The following ROR1 variants were observed in gnomAD, a reference collection of about 807,000 sequenced individuals.
ROR1 encodes ROR family WNT receptor 1, also known as inactive tyrosine-protein kinase transmembrane receptor ROR1.
ROR1 carries 19 observed loss-of-function variants against 78.8 expected under a neutral mutation model. The observed-to-expected ratio is 0.24, with a 90% CI of 0.17 to 0.35. The LOEUF (loss-of-function observed/expected upper bound fraction) is 0.35, where lower values mean the gene tolerates loss of function less well. Among genes scored for constraint, ROR1 ranks in the 10% least tolerant of loss-of-function variants. The pLI, the probability that ROR1 is intolerant of heterozygous loss-of-function variation, is 1.00. For missense variants in ROR1, 917 were observed against 1,177.8 expected (o/e 0.78, Z 3.24); for synonymous variants, 386 against 433.6 (o/e 0.89, Z 1.36).
intron 1 of ROR1, among the ~76,000 whole-genome samples, chr1:63,900,986 C>A (rs971089378): frequency 9.9e-5 from 15 of 152,072 alleles, no homozygotes; most frequent in East Asian, 3.9e-4. Context: ...AGCATTATTA[C>A]CGTCATGTTA....
chr1:63,910,815 G>A (rs567115150), intron 1 of ROR1, among the ~76,000 whole-genome samples: 7 of 152,284 alleles, frequency 4.6e-5, no homozygotes, highest in Admixed American at 4.6e-4. Flanking sequence ...CAACCCAAAG[G>A]TTCAGAACAA....
At chr1:63,831,345 G>T (rs1435194303) in intron 1 of ROR1, among the ~76,000 whole-genome samples, 2 of 152,166 alleles carry the variant, frequency 1.3e-5, no homozygotes, top group African/African-American at 2.4e-5. Flanking sequence ...TGCAGCAGAC[G>T]TCTTCCTGGA....
rs968329093 is a variant in ROR1, at chr1:64,180,421, T to C, written c.*1566T>C. ...TGTAAGAGAATGAAAAACACATTGA[T>C]GTTTTCATTTTTAAAAAATACAACT... On this transcript the variant is annotated 3_prime_UTR_variant, in exon 9 of 9. Transcript: ENST00000371079. 2 of 152,218 alleles carry C rather than the reference T, an allele frequency of 1.3e-5. No homozygotes were observed. The allele number at this position is 152,218 out of a possible 1,614,324, so 9.4% of individuals were successfully genotyped here.
At chr1:63,826,336 A>G (rs1364817612) in intron 1 of ROR1, among the ~76,000 whole-genome samples, 1 of 152,094 alleles carries the variant, frequency 6.6e-6, no homozygotes, top group Non-Finnish European at 1.5e-5. Context: ...AAGTGAGGAC[A>G]TGTTATATTT....
chr1:64,023,186 G>A (rs1278089508), intron 2 of ROR1, among the ~76,000 whole-genome samples: 1 of 152,124 alleles, frequency 6.6e-6, no homozygotes, highest in African/African-American at 2.4e-5. Context: ...CCCTTGCAGT[G>A]GTGCTGAGTA....
chr1:63,900,793 T>C (rs1405397478), intron 1 of ROR1, among the ~76,000 whole-genome samples: 2 of 152,182 alleles, frequency 1.3e-5, no homozygotes, highest in African/African-American at 4.8e-5. Context: ...TGTATCTGTT[T>C]TGAAATGTAA....
intron 4 of ROR1, among the ~76,000 whole-genome samples, chr1:64,051,716 A>G (rs960692686): frequency 2.6e-5 from 4 of 152,078 alleles, no homozygotes; most frequent in Non-Finnish European, 5.9e-5. Context: ...TTCTTTATCT[A>G]TATTTTTATT....
At chr1:63,787,237 T>C (rs780049006) in intron 1 of ROR1, among the ~76,000 whole-genome samples, 16 of 152,146 alleles carry the variant, frequency 1.1e-4, no homozygotes, top group Non-Finnish European at 2.2e-4. Context: ...TGTCAGTCCT[T>C]CTTTTGTCGT....
intron 6 of ROR1, among the ~76,000 whole-genome samples, chr1:64,140,900 C>T (rs1187477372): frequency 6.6e-6 from 1 of 152,138 alleles, no homozygotes; most frequent in South Asian, 2.1e-4. Flanking sequence ...GTGCTACAAA[C>T]CTGGATGAAC....
intron 1 of ROR1, among the ~76,000 whole-genome samples, chr1:63,984,275 A>G (rs957637710): frequency 6.6e-6 from 1 of 152,184 alleles, no homozygotes; most frequent in Non-Finnish European, 1.5e-5. Context: ...AAGAAAGCTT[A>G]TAAGGGAGAC....
chr1:63,857,977 A>G (rs1645159000), intron 1 of ROR1, among the ~76,000 whole-genome samples: 1 of 152,220 alleles, frequency 6.6e-6, no homozygotes, highest in Admixed American at 6.5e-5. Context: ...GCTATGAGGA[A>G]TAAATGAAGT....
chr1:64,052,694 A>G (rs777582609), intron 4 of ROR1, among the ~76,000 whole-genome samples: 12 of 152,194 alleles, frequency 7.9e-5, no homozygotes, highest in Non-Finnish European at 1.6e-4. Flanking sequence ...CAGATTATCT[A>G]TTACATTAGT....
intron 1 of ROR1, among the ~76,000 whole-genome samples, chr1:63,842,472 A>T (rs965485970): frequency 6.6e-6 from 1 of 152,160 alleles, no homozygotes; most frequent in Admixed American, 6.5e-5. Context: ...AGGGAACCCA[A>T]ATCTTTTATA....
intron 4 of ROR1, among the ~76,000 whole-genome samples, chr1:64,091,943 C>T (rs1647201290): frequency 1.3e-5 from 2 of 152,130 alleles, no homozygotes; most frequent in South Asian, 4.1e-4. Flanking sequence ...GTGTTTCTTT[C>T]AAGACTTGTT....
At chr1:64,122,782 GA>G (rs1648587731) in intron 4 of ROR1, among the ~76,000 whole-genome samples, 1 of 152,152 alleles carries the variant, frequency 6.6e-6, no homozygotes, top group Non-Finnish European at 1.5e-5. Flanking sequence ...CTCCTTCAAT[GA>G]TTCCTCTTGC....
intron 2 of ROR1, among the ~76,000 whole-genome samples, chr1:64,047,782 G>A (rs574669016): frequency 6.6e-6 from 1 of 152,298 alleles, no homozygotes; most frequent in East Asian, 1.9e-4. Flanking sequence ...TATATAGATT[G>A]GAGAAACATG....
intron 1 of ROR1, among the ~76,000 whole-genome samples, chr1:63,816,648 G>C (rs948273854): frequency 6.6e-6 from 1 of 152,084 alleles, no homozygotes; most frequent in South Asian, 2.1e-4. Flanking sequence ...CTTTAGCCTC[G>C]GTTTCTTTGT....
At chr1:63,792,112 G>T (rs564829871) in intron 1 of ROR1, among the ~76,000 whole-genome samples, 1 of 152,124 alleles carries the variant, frequency 6.6e-6, no homozygotes, top group Non-Finnish European at 1.5e-5. Context: ...GGGGCAGTCT[G>T]GCAGGCCTCT....
At chr1:63,979,500 A>G (rs895435717) in intron 1 of ROR1, among the ~76,000 whole-genome samples, 2 of 152,188 alleles carry the variant, frequency 1.3e-5, no homozygotes, top group Non-Finnish European at 2.9e-5. Flanking sequence ...CTGTGGCCAT[A>G]AAGGAATAGA....
Sources: gnomAD v4.1 joint callset for allele counts (sites outside exome capture counted in the v4.1 genomes callset) on GRCh38, gnomAD v4.1.1 for gene constraint, MANE v1.5 for transcripts, NCBI Gene and HGNC (gene_info 2026-07-23, HGNC 2026-07-21) for gene names.